RGS12: variants seen among roughly 807,000 people sequenced by gnomAD.
The protein encoded by RGS12 is regulator of G-protein signaling 12.
A neutral mutation model predicts 120.1 loss-of-function variants in RGS12; 66 were observed. That is an observed-to-expected ratio of 0.55 (90% CI 0.45 to 0.67). The LOEUF (loss-of-function observed/expected upper bound fraction) is 0.67, where lower values mean the gene tolerates loss of function less well. Ranked by LOEUF, RGS12 falls within the 30% of genes least tolerant of loss-of-function variation. The pLI, the probability that RGS12 is intolerant of heterozygous loss-of-function variation, is 0.00. For missense variants in RGS12, 1,859 were observed against 1,957.7 expected (o/e 0.95, Z 0.95); for synonymous variants, 827 against 804.7 (o/e 1.03, Z -0.47).
intron 3 of RGS12, among the ~76,000 whole-genome samples, chr4:3,354,288 C>T (rs1039771883): frequency 6.6e-6 from 1 of 152,172 alleles, no homozygotes; most frequent in African/African-American, 2.4e-5. Context: ...CTGAGTGGGG[C>T]TCTGCCATGT....
chr4:3,381,369 A>G (rs982497371), intron 3 of RGS12, among the ~76,000 whole-genome samples: 10 of 152,346 alleles, frequency 6.6e-5, no homozygotes, highest in African/African-American at 2.4e-4. Flanking sequence ...GCACATTTTC[A>G]GATATCTTTA....
intron 9 of RGS12, chr4:3,417,851 T>G (rs1054892086): frequency 1.7e-5 from 5 of 299,636 alleles, no homozygotes; most frequent in South Asian, 2.1e-4. Context: ...CTCTCCTGCT[T>G]TTCACTATCC....
At chr4:3,323,872 T>TGTGA (rs1560086247) in intron 2 of RGS12, 1 of 138,686 alleles carries the variant, frequency 7.2e-6, no homozygotes, top group East Asian at 2.2e-4. Context: ...TGTGTGTGTG[T>TGTGA]GAGAGAGAGA....
At chr4:3,408,450 T>C (rs1389305274) in intron 4 of RGS12, among the ~76,000 whole-genome samples, 2 of 152,228 alleles carry the variant, frequency 1.3e-5, no homozygotes, top group Non-Finnish European at 2.9e-5. Context: ...GGCTCTGCTG[T>C]GTTCCTCTGC....
At chr4:3,388,583 C>T (rs972068570) in intron 4 of RGS12, among the ~76,000 whole-genome samples, 8 of 152,096 alleles carry the variant, frequency 5.3e-5, no homozygotes, top group African/African-American at 1.7e-4. Context: ...TCCCACCCAC[C>T]CCCCAGCCCT....
intron 14 of RGS12, among the ~76,000 whole-genome samples, chr4:3,427,120 C>G (rs1560175128): frequency 6.6e-6 from 1 of 152,228 alleles, no homozygotes; most frequent in Admixed American, 6.5e-5. Flanking sequence ...CCGAGCCCAC[C>G]CTTTGCTCTA....
At chr4:3,428,276 G>A (rs759316769) in intron 15 of RGS12, 107 bp downstream of exon 15, 2 of 1,058,284 alleles carry the variant, frequency 1.9e-6, no homozygotes, top group Non-Finnish European at 1.5e-6. Flanking sequence ...ATCACTGTGT[G>A]TCTCCCCCAC....
rs370267778 is a variant in RGS12, at chr4:3,316,235, G to A, written c.65G>A (p.Ser22Asn). The A allele has an allele frequency of 1.7e-5, 28 of 1,612,852 alleles. No homozygotes were observed. In the African/African-American group the frequency reaches 3.1e-4, roughly 18 times the overall value. Residue 22 changes from serine to asparagine, a missense_variant, in exon 2 of 18, where the codon AGT becomes AAT. Physicochemically the swap from Ser to Asn is conservative, Grantham distance 46 (BLOSUM62 1). This residue lies in a region of RGS12 where 967 missense variants were observed against 994.2 expected (regional missense o/e 0.97). Coordinates refer to ENST00000336727, the MANE Select transcript of RGS12 (RefSeq NM_001394154.1). The part of the protein sequence containing the change: ...LPGPSPPRVR[S>N]VEVARGRAGY... Reference sequence around the variant, plus strand: ...GGGCCGTCGCCCCCAAGGGTGCGGAGTGTGGAGGTTGCCCGGGGGAGGGCC... The same window carrying A: ...GGGCCGTCGCCCCCAAGGGTGCGGAATGTGGAGGTTGCCCGGGGGAGGGCC...
chr4:3,325,407 A>C (rs889427983), intron 2 of RGS12, among the ~76,000 whole-genome samples: 8 of 152,180 alleles, frequency 5.3e-5, no homozygotes, highest in African/African-American at 1.9e-4. Flanking sequence ...GAGGCCTTTA[A>C]GAGGTGATTA....
At chr4:3,380,990 A>C (rs762896897) in intron 3 of RGS12, among the ~76,000 whole-genome samples, 1 of 152,180 alleles carries the variant, frequency 6.6e-6, no homozygotes, top group Non-Finnish European at 1.5e-5. Context: ...TCAGGCTGCA[A>C]ATTTTTCAAA....
intron 17 of RGS12, chr4:3,431,569 A>G: frequency 2.0e-6 from 2 of 986,000 alleles, no homozygotes; most frequent in Non-Finnish European, 2.4e-6. Flanking sequence ...CAGGGGATTC[A>G]GTGAGTGTGA....
chr4:3,393,840 T>C (rs2109004665), intron 4 of RGS12, among the ~76,000 whole-genome samples: 1 of 152,294 alleles, frequency 6.6e-6, no homozygotes, highest in South Asian at 2.1e-4. Context: ...ACTCAGGTCA[T>C]GACGGCACCT....
At position 3,366,696 on chromosome 4, in the gene RGS12, A is replaced by G. The variant is rs533516031; in HGVS notation, c.1999-19720A>G. 6.6e-6 allele frequency among the ~76,000 whole-genome samples: 1 copy of G among 152,322 alleles called. No homozygotes were observed. Among genetic ancestry groups the G allele is most frequent in the Non-Finnish European group, 1.5e-5 (1 of 68,008 alleles). The stretch of plus-strand genomic sequence containing the variant: ...TGCGCCAGGCATGGCCGGAAAGCTC[A>G]GGAGGCCCTGGTTAGGCTGGGGCAT... On this transcript the variant is annotated intron_variant, in intron 3 of 17. Transcript: ENST00000336727. The surrounding 1 kb of genome is among the most constrained non-coding windows in gnomAD (Gnocchi z 4.0).
At chr4:3,320,096 CT>C (rs1215019207) in intron 2 of RGS12, among the ~76,000 whole-genome samples, 1 of 152,246 alleles carries the variant, frequency 6.6e-6, no homozygotes, top group Non-Finnish European at 1.5e-5. Context: ...TTATGTGGTT[CT>C]TTGTGGATTA....
At chr4:3,413,823 T>C in intron 4 of RGS12, 1 of 476,226 alleles carries the variant, frequency 2.1e-6, no homozygotes. Context: ...CATGTGAACA[T>C]GTGTGTGTGC....
chr4:3,304,589 C>T (rs1320342599), intron 1 of RGS12, among the ~76,000 whole-genome samples: 2 of 152,192 alleles, frequency 1.3e-5, no homozygotes, highest in Non-Finnish European at 1.5e-5. Flanking sequence ...ATTTGTAAAA[C>T]GGGATAATTA....
chr4:3,316,336 G>A lies in RGS12; in HGVS notation c.166G>A (p.Val56Met), dbSNP rs80169463. The A allele has an allele frequency of 1.0e-3, 1,678 of 1,610,464 alleles. 30 individuals are homozygous for A. In the East Asian group the frequency reaches 0.033, roughly 32 times the overall value. The change falls in exon 2 of 18, where the codon GTG becomes ATG. Residue 56 changes from valine (V) to methionine (M), a missense_variant. Physicochemically the swap from Val to Met is conservative, Grantham distance 21 (BLOSUM62 1). Coordinates refer to ENST00000336727, the MANE Select transcript of RGS12 (RefSeq NM_001394154.1). ...CATGAGAGGGAGCCCTGCGGATTTC[G>A]TGGGCCTCCGAGCTGGAGACCAGAT... ...CVMRGSPADF[V>M]GLRAGDQILA...
At chr4:3,286,321 G>C in the RGS12 span, among the ~76,000 whole-genome samples, 2 of 152,200 alleles carry the variant, frequency 1.3e-5, no homozygotes, top group Non-Finnish European at 2.9e-5. Flanking sequence ...ACCAAATGCA[G>C]CCTGCCCGGT....
intron 16 of RGS12, among the ~76,000 whole-genome samples, chr4:3,429,198 T>C (rs536367449): frequency 6.6e-6 from 1 of 152,248 alleles, no homozygotes; most frequent in African/African-American, 2.4e-5. Flanking sequence ...AAGGTCAGCC[T>C]GCACACCCCT....
Sources: allele counts gnomAD v4.1 joint callset (sites outside exome capture counted in the v4.1 genomes callset), GRCh38; gene constraint gnomAD v4.1.1; regional missense constraint gnomAD v4.1.1; non-coding constraint Gnocchi (gnomAD v3.1); transcripts MANE v1.5; gene names NCBI Gene and HGNC (gene_info 2026-07-23, HGNC 2026-07-21).